The following TTC39C variants were observed in gnomAD, a reference collection of about 807,000 sequenced individuals.
TTC39C encodes the protein tetratricopeptide repeat protein 39C.
In TTC39C, 33 loss-of-function variants were observed where a neutral mutation model predicts 76.3. That is an observed-to-expected ratio of 0.43 (90% CI 0.33 to 0.58). The LOEUF is 0.58. Ranked by LOEUF, TTC39C falls within the 20% of genes least tolerant of loss-of-function variation. The probability of loss-of-function intolerance (pLI) is 0.04; values close to 1 mark genes in which losing one functional copy is unlikely to be tolerated. For synonymous variants in TTC39C, 254 were observed against 260.6 expected (o/e 0.97, Z 0.24); for missense variants, 595 against 701.4 (o/e 0.85, Z 1.71).
intron 1 of TTC39C, among the ~76,000 whole-genome samples, chr18:24,055,352 A>G (rs1221265226): frequency 6.6e-6 from 1 of 152,164 alleles, no homozygotes; most frequent in African/African-American, 2.4e-5. Flanking sequence ...ACTCCCACCA[A>G]CGGTATGCAA....
At chr18:24,025,400 T>A (rs1317629696) in intron 1 of TTC39C, among the ~76,000 whole-genome samples, 1 of 152,250 alleles carries the variant, frequency 6.6e-6, no homozygotes, top group Non-Finnish European at 1.5e-5. Flanking sequence ...TAGCTGCGGT[T>A]TGTTGACAAC....
At chr18:24,099,004 A>AGTGTGTGT (rs1229315087) in intron 6 of TTC39C, among the ~76,000 whole-genome samples, 5 of 46,336 alleles carry the variant, frequency 1.1e-4, no homozygotes, top group South Asian at 1.7e-3. Flanking sequence ...AAGTTAGAGG[A>AGTGTGTGT]ATGTGTGTGT....
chr18:24,079,974 G>C (rs922504339), intron 4 of TTC39C, among the ~76,000 whole-genome samples: 2 of 151,320 alleles, frequency 1.3e-5, no homozygotes, highest in Non-Finnish European at 2.9e-5. Flanking sequence ...GCTAAATTTT[G>C]TATTTTTTAT....
At chr18:24,070,861 A>C (rs907235476) in intron 4 of TTC39C, among the ~76,000 whole-genome samples, 6 of 152,144 alleles carry the variant, frequency 3.9e-5, no homozygotes, top group Non-Finnish European at 7.4e-5. Context: ...AGAAAAGAAA[A>C]TACCTGTTGA....
upstream of TTC39C, among the ~76,000 whole-genome samples, chr18:24,010,112 G>A (rs2083383755): frequency 1.3e-5 from 2 of 152,250 alleles, no homozygotes; most frequent in African/African-American, 4.8e-5. Context: ...AAGAACAATT[G>A]GAGAATTGGG....
intron 4 of TTC39C, 150 bp from the exon 5 acceptor site, chr18:24,080,435 A>G (rs1010156195): frequency 6.4e-6 from 4 of 621,516 alleles, no homozygotes; most frequent in South Asian, 6.2e-5. Flanking sequence ...AGTAAGCACT[A>G]TAAGAACACT....
At chr18:24,112,914 C>T (rs1319109917) in intron 6 of TTC39C, among the ~76,000 whole-genome samples, 3 of 152,118 alleles carry the variant, frequency 2.0e-5, no homozygotes, top group Non-Finnish European at 4.4e-5. Context: ...CTAGATACCT[C>T]CACCTGCGCT....
chr18:24,090,749 T>C (rs1382959043), intron 6 of TTC39C, among the ~76,000 whole-genome samples: 1 of 151,074 alleles, frequency 6.6e-6, no homozygotes, highest in East Asian at 1.9e-4. Flanking sequence ...AATAGACATA[T>C]GGATCAGTGA....
Position 24,022,835 on chromosome 18 carries a change from G to A in TTC39C, c.167+7797G>A, listed in dbSNP as rs114999478. 3,671 of 985,304 alleles carry A rather than the reference G, an allele frequency of 3.7e-3. 122 individuals are homozygous for A. The African/African-American group carries it at 0.059, about 16-fold the overall frequency. The allele number at this position is 985,304 out of a possible 1,614,324, so 61.0% of individuals were successfully genotyped here. A position where few individuals can be genotyped will look rare whatever the true frequency, so the allele number is the denominator to read the frequency against. On this transcript the variant is annotated intron_variant, in intron 1 of 13. Coordinates refer to ENST00000317571, the MANE Select transcript of TTC39C (RefSeq NM_001135993.2). ...TGCTAGTTGTGCTGGAATATTTTAC[G>A]TCATCCAGCCAGGTATATCTTGCTC... is the stretch of plus-strand genomic sequence containing the variant.
chr18:24,035,245 C>A (rs1379997721), intron 1 of TTC39C, among the ~76,000 whole-genome samples: 9 of 152,112 alleles, frequency 5.9e-5, no homozygotes, highest in African/African-American at 2.2e-4. Flanking sequence ...GCTGTGTTGT[C>A]TGGGCTGGCC....
chr18:24,094,665 A>T (rs1240077245), intron 6 of TTC39C, among the ~76,000 whole-genome samples: 1 of 152,248 alleles, frequency 6.6e-6, no homozygotes, highest in Non-Finnish European at 1.5e-5. Context: ...GTGGCCACAT[A>T]CATTATCAGT....
chr18:24,034,082 T>C (rs935077236), intron 1 of TTC39C, among the ~76,000 whole-genome samples: 1 of 152,186 alleles, frequency 6.6e-6, no homozygotes, highest in Non-Finnish European at 1.5e-5. Flanking sequence ...GGGGAGTTTA[T>C]TAAACATAAA....
intron 6 of TTC39C, among the ~76,000 whole-genome samples, chr18:24,087,562 A>G (rs2084457506): frequency 1.4e-5 from 2 of 139,656 alleles, no homozygotes; most frequent in African/African-American, 5.1e-5. Flanking sequence ...CAAAGTTCCT[A>G]TGCAAGCATT....
intron 6 of TTC39C, among the ~76,000 whole-genome samples, chr18:24,096,744 A>G (rs573608876): frequency 2.0e-5 from 3 of 152,294 alleles, no homozygotes; most frequent in South Asian, 4.1e-4. Flanking sequence ...TGAATATTAT[A>G]TAGCTTTGAT....
chr18:24,016,451 GAGA>G (rs375362097), intron 1 of TTC39C, among the ~76,000 whole-genome samples: 1 of 152,212 alleles, frequency 6.6e-6, no homozygotes. Flanking sequence ...TGTCGTATGA[GAGA>G]AGGATGGAGA....
At chr18:24,068,730 A>G (rs546337587) in intron 3 of TTC39C, among the ~76,000 whole-genome samples, 1 of 152,370 alleles carries the variant, frequency 6.6e-6, no homozygotes, top group Non-Finnish European at 1.5e-5. Context: ...GCACGAAAAG[A>G]ATGCCCCTAA....
At chr18:24,057,569 C>T (rs1466432861) in intron 1 of TTC39C, among the ~76,000 whole-genome samples, 1 of 152,150 alleles carries the variant, frequency 6.6e-6, no homozygotes, top group Non-Finnish European at 1.5e-5. Context: ...CTAGGATATA[C>T]TCTTTTGTGT....
intron 6 of TTC39C, among the ~76,000 whole-genome samples, chr18:24,112,286 G>C (rs6508162): frequency 0.99 from 151,109 of 152,300 alleles, 74,977 homozygotes; most frequent in East Asian, 1. Flanking sequence ...AGGATAATCT[G>C]TCTCATCTCA....
chr18:24,017,120 A>AT (rs2083462821), intron 1 of TTC39C, among the ~76,000 whole-genome samples: 1 of 152,116 alleles, frequency 6.6e-6, no homozygotes, highest in African/African-American at 2.4e-5. Flanking sequence ...TTTTTTAGAG[A>AT]TGGTGGGAGG....
Sources: allele counts gnomAD v4.1 joint callset (sites outside exome capture counted in the v4.1 genomes callset), GRCh38; gene constraint gnomAD v4.1.1; transcripts MANE v1.5; gene names NCBI Gene and HGNC (gene_info 2026-07-23, HGNC 2026-07-21).